MTMR14: variants seen among roughly 807,000 people sequenced by gnomAD.
MTMR14 encodes phosphatidylinositol-3,5-bisphosphate 3-phosphatase MTMR14.
MTMR14 carries 48 observed loss-of-function variants against 86.3 expected under a neutral mutation model. The observed-to-expected ratio is 0.56, with a 90% CI of 0.44 to 0.71. The LOEUF is 0.71. Among genes scored for constraint, MTMR14 ranks in the 30% least tolerant of loss-of-function variants. The pLI, the probability that MTMR14 is intolerant of heterozygous loss-of-function variation, is 0.00. For missense variants in MTMR14, 780 were observed against 834.6 expected (o/e 0.93, Z 0.81); for synonymous variants, 366 against 326.1 (o/e 1.12, Z -1.32).
intron 1 of MTMR14, among the ~76,000 whole-genome samples, chr3:9,652,641 G>A (rs910219334): frequency 3.3e-5 from 5 of 151,388 alleles, no homozygotes; most frequent in Non-Finnish European, 7.4e-5. Context: ...AGGTTGCAGT[G>A]AGCAGAGATC....
At chr3:9,697,985 C>T (rs925244044) in intron 18 of MTMR14, 119 bp downstream of exon 18, 3 of 1,391,702 alleles carry the variant, frequency 2.2e-6, no homozygotes, top group Non-Finnish European at 3.0e-6. Context: ...GCCTCCTGCC[C>T]TCCCCTCTCT....
In MTMR14 at chr3:9,701,190, A is replaced by G. The variant is rs1478633177; in HGVS notation, c.1770-600A>G. ...TCAGCTTGCTCTTCCTGAGGAGTGGAAGCAGAGAGCTGCTGGGGCAAATTC... is the reference window on the plus strand; with the variant it reads ...TCAGCTTGCTCTTCCTGAGGAGTGGGAGCAGAGAGCTGCTGGGGCAAATTC... On this transcript the variant is annotated intron_variant, in intron 18 of 18. Transcript: ENST00000296003. This position sits in a 1 kb window ranked among gnomAD's most constrained non-coding sequence, Gnocchi z 4.2. 6.2e-6 allele frequency: 1 copy of G among 161,908 alleles called. No homozygotes were observed. Among genetic ancestry groups the G allele is most frequent in the African/African-American group, 2.4e-5 (1 of 41,514 alleles). 10.0% of individuals were successfully genotyped at this position (161,908 alleles called of 1,614,324 possible). A position where few individuals can be genotyped will look rare whatever the true frequency, so the allele number is the denominator to read the frequency against.
intron 17 of MTMR14, among the ~76,000 whole-genome samples, chr3:9,694,235 G>A (rs913370372): frequency 1.3e-5 from 2 of 152,198 alleles, no homozygotes; most frequent in South Asian, 4.1e-4. Context: ...TCGTAGCTTT[G>A]CAGTCCTAGC....
At chr3:9,653,582 C>T in intron 1 of MTMR14, 39 bp from the exon 2 acceptor site, 1 of 1,613,700 alleles carries the variant, frequency 6.2e-7, no homozygotes, top group Non-Finnish European at 8.5e-7. Flanking sequence ...CTCAGAACCC[C>T]AGAATTCTCT....
Position 9,689,004 on chromosome 3 carries a change from GTTCCCCAGGAGCCAC to G in MTMR14, c.1357_1371del (p.Ser453_Thr457del). Reference sequence around the variant, plus strand: ...AGCGACTTCTCCCTGGTCATGGAGAGTTCCCCAGGAGCCACTGGGAGCTTCACCTATGAGGCCGTG... The same window carrying G: ...AGCGACTTCTCCCTGGTCATGGAGAGTGGGAGCTTCACCTATGAGGCCGTG... On this transcript the variant is annotated inframe_deletion, in exon 16 of 19. Coordinates refer to ENST00000296003, the MANE Select transcript of MTMR14 (RefSeq NM_001077525.3). 1 of 1,613,982 alleles carries G rather than the reference GTTCCCCAGGAGCCAC, an allele frequency of 6.2e-7. No homozygotes were observed. Among genetic ancestry groups the G allele is most frequent in the South Asian group, 1.1e-5 (1 of 91,086 alleles).
At chr3:9,686,514 G>A (rs1405787640) in intron 13 of MTMR14, among the ~76,000 whole-genome samples, 1 of 152,184 alleles carries the variant, frequency 6.6e-6, no homozygotes, top group Non-Finnish European at 1.5e-5. Flanking sequence ...AGACACTGAT[G>A]CGTCCAAAGC....
chr3:9,658,576 T>G (rs1268400122), intron 2 of MTMR14, among the ~76,000 whole-genome samples: 2 of 152,232 alleles, frequency 1.3e-5, no homozygotes, highest in African/African-American at 4.8e-5. Flanking sequence ...GGATAGTGGT[T>G]AAAACCATGG....
At chr3:9,688,846 T>G (rs2076047542) in intron 15 of MTMR14, 92 bp downstream of exon 15, 6 of 892,286 alleles carry the variant, frequency 6.7e-6, no homozygotes, top group Admixed American at 4.9e-5. Context: ...AGGTTTTTTG[T>G]TTTTTTTTTT....
intron 2 of MTMR14, chr3:9,659,839 A>G (rs1299487004): frequency 6.6e-6 from 3 of 456,640 alleles, no homozygotes; most frequent in Non-Finnish European, 1.3e-5. Flanking sequence ...GATCCTCCCT[A>G]GAGGAAAATG....
intron 3 of MTMR14, among the ~76,000 whole-genome samples, chr3:9,665,854 G>A (rs1040449646): frequency 6.6e-5 from 10 of 150,398 alleles, no homozygotes; most frequent in Non-Finnish European, 5.9e-5. Flanking sequence ...TCAGCCTCCC[G>A]AGTAGCTGGG....
At position 9,688,921 on chromosome 3, in the gene MTMR14, CTGA is replaced by C; in HGVS notation, c.1295-20_1295-18del. ...GTAGTGGGAGAAGGTAACACGCTGA[CTGA>C]TGGCACTGGCTTCTTTTAGGACGAA... On this transcript the variant is annotated intron_variant, in intron 15 of 18. Transcript: ENST00000296003. 1.2e-6 allele frequency: 2 copies of C among 1,613,842 alleles called. No homozygotes were observed. The highest frequency in any genetic ancestry group is 2.2e-5 in the East Asian group (1 of 44,870).
intron 1 of MTMR14, among the ~76,000 whole-genome samples, chr3:9,652,201 G>A (rs1424645647): frequency 6.6e-6 from 1 of 152,060 alleles, no homozygotes; most frequent in East Asian, 1.9e-4. Flanking sequence ...CTGATCAGAA[G>A]TGATCTGCCC....
At chr3:9,660,320 G>A (rs973799519) in intron 2 of MTMR14, among the ~76,000 whole-genome samples, 4 of 151,860 alleles carry the variant, frequency 2.6e-5, no homozygotes, top group Admixed American at 6.6e-5. Flanking sequence ...GTGCAATGGC[G>A]TGATGTTGGC....
At chr3:9,656,939 G>GTTTTTA (rs1292571760) in intron 2 of MTMR14, among the ~76,000 whole-genome samples, 3 of 151,796 alleles carry the variant, frequency 2.0e-5, no homozygotes, top group African/African-American at 4.8e-5. Context: ...TTTTGTTTTT[G>GTTTTTA]TTTTTAATTA....
At chr3:9,682,473 T>C (rs1312446629) in intron 9 of MTMR14, among the ~76,000 whole-genome samples, 1 of 152,174 alleles carries the variant, frequency 6.6e-6, no homozygotes, top group Non-Finnish European at 1.5e-5. Flanking sequence ...GGCCCTTCCA[T>C]GGAGTTCCAG....
chr3:9,652,512 G>T (rs191412920), intron 1 of MTMR14, among the ~76,000 whole-genome samples: 42 of 152,240 alleles, frequency 2.8e-4, no homozygotes, highest in African/African-American at 9.6e-4. Flanking sequence ...TAGCACTTTG[G>T]GAGGCCAAGG....
At position 9,660,677 on chromosome 3, in the gene MTMR14, C is replaced by T. The variant is rs192854031; in HGVS notation, c.309-1590C>T. Among the ~76,000 whole-genome samples the T allele has an allele frequency of 1.4e-3, 219 of 152,332 alleles. 1 individual carries two copies. The highest frequency in any genetic ancestry group is 5.2e-3 in the African/African-American group (216 of 41,572). ...ACAAGTATGTGGGAGTCACTGATTTCTTCCTTCTGGGATAATATTTGGGTG... is the reference window on the plus strand; with the variant it reads ...ACAAGTATGTGGGAGTCACTGATTTTTTCCTTCTGGGATAATATTTGGGTG... On this transcript the variant is annotated intron_variant, in intron 2 of 18. Transcript: ENST00000296003.
At chr3:9,692,670 G>C (rs1203989592) in intron 17 of MTMR14, among the ~76,000 whole-genome samples, 1 of 152,250 alleles carries the variant, frequency 6.6e-6, no homozygotes, top group Non-Finnish European at 1.5e-5. Flanking sequence ...AGGAGGGTTG[G>C]TGCCACCACT....
Position 9,684,579 on chromosome 3 carries a change from G to C in MTMR14, c.965-6G>C, listed in dbSNP as rs748172540. On this transcript the variant is annotated splice_polypyrimidine_tract_variant and splice_region_variant and intron_variant, in intron 10 of 18. Transcript: ENST00000296003. ...CTGGGCATCCTCTCCTGCGGTTCCTGAGTAGATGACAGCGGGCTGCTGGTA... is the reference window on the plus strand; with the variant it reads ...CTGGGCATCCTCTCCTGCGGTTCCTCAGTAGATGACAGCGGGCTGCTGGTA... The C allele has an allele frequency of 6.2e-7, 1 of 1,614,062 alleles. No individual in the cohort carries two copies. Among genetic ancestry groups the C allele is most frequent in the Non-Finnish European group, 8.5e-7 (1 of 1,179,998 alleles).
Sources: gnomAD v4.1 joint callset for allele counts (sites outside exome capture counted in the v4.1 genomes callset) on GRCh38, gnomAD v4.1.1 for gene constraint, Gnocchi (gnomAD v3.1) non-coding constraint, MANE v1.5 for transcripts, NCBI Gene and HGNC (gene_info 2026-07-23, HGNC 2026-07-21) for gene names.